The following ANK3 variants were observed in gnomAD, a reference collection of about 807,000 sequenced individuals.
ANK3 encodes the protein ankyrin 3.
ANK3 carries 57 observed loss-of-function variants against 370.9 expected under a neutral mutation model. That is an observed-to-expected ratio of 0.15 (90% CI 0.12 to 0.19). The LOEUF is 0.19. Ranked by LOEUF, ANK3 falls within the 10% of genes least tolerant of loss-of-function variation. ANK3 has a pLI of 1.00. For missense variants in ANK3, 4,439 were observed against 5,302.1 expected (o/e 0.84, Z 5.06); for synonymous variants, 1,929 against 1,946.3 (o/e 0.99, Z 0.23).
chr10:60,394,230 G>A (rs1037846948), upstream of ANK3, among the ~76,000 whole-genome samples: 2 of 150,568 alleles, frequency 1.3e-5, no homozygotes, highest in African/African-American at 4.9e-5. Flanking sequence ...GAAAACAAGC[G>A]CTAAACTTGT....
intron 1 of ANK3, among the ~76,000 whole-genome samples, chr10:60,351,225 T>C (rs931051463): frequency 1.3e-5 from 2 of 152,166 alleles, no homozygotes; most frequent in African/African-American, 4.8e-5. Context: ...CCACAAGCAT[T>C]TAAATAGAGA....
Position 60,213,130 on chromosome 10 carries a change from A to G in ANK3, c.996+282T>C, listed in dbSNP as rs113276962. Among the ~76,000 whole-genome samples the G allele has an allele frequency of 1.3e-3, 198 of 152,240 alleles. 1 individual carries two copies. The highest frequency in any genetic ancestry group is 4.5e-3 in the African/African-American group (186 of 41,550). On this transcript the variant is annotated intron_variant, in intron 9 of 43. Transcript: ENST00000280772. ...TTAGTCTTTCTTAACCTGACAAGCA[A>G]TTATTTCTGAGCTATGAAAATTTCA... is the stretch of plus-strand genomic sequence containing the variant.
intron 2 of ANK3, among the ~76,000 whole-genome samples, chr10:60,403,661 C>T (rs570374633): frequency 1.3e-5 from 2 of 152,278 alleles, no homozygotes; most frequent in East Asian, 3.9e-4. Context: ...GATCTCGGCT[C>T]ATTGCAAGCT....
intron 2 of ANK3, among the ~76,000 whole-genome samples, chr10:60,559,082 TA>T (rs1387735043): frequency 6.6e-6 from 1 of 152,154 alleles, no homozygotes; most frequent in Non-Finnish European, 1.5e-5. Flanking sequence ...CTTTTAACAC[TA>T]ATGAGAACAA....
intron 2 of ANK3, among the ~76,000 whole-genome samples, chr10:60,485,257 A>T (rs1387637525): frequency 6.6e-6 from 1 of 151,992 alleles, no homozygotes; most frequent in Admixed American, 6.6e-5. Context: ...CCATGTCTAC[A>T]CCTGTTCAGG....
At chr10:60,692,665 T>C (rs2079373571) in intron 1 of ANK3, among the ~76,000 whole-genome samples, 1 of 152,180 alleles carries the variant, frequency 6.6e-6, no homozygotes, top group Non-Finnish European at 1.5e-5. Context: ...ATTCAAATTT[T>C]ACTGCAGTCA....
intron 1 of ANK3, among the ~76,000 whole-genome samples, chr10:60,692,840 T>A (rs1250702323): frequency 6.6e-6 from 1 of 152,250 alleles, no homozygotes; most frequent in Non-Finnish European, 1.5e-5. Flanking sequence ...TGATAACAGA[T>A]TGTTTTTGTC....
intron 2 of ANK3, among the ~76,000 whole-genome samples, chr10:60,421,396 G>A (rs1460768018): frequency 6.6e-6 from 1 of 152,010 alleles, no homozygotes; most frequent in Non-Finnish European, 1.5e-5. Context: ...ACGTGGGGGA[G>A]GAAAGGAAAG....
intron 2 of ANK3, among the ~76,000 whole-genome samples, chr10:60,426,872 G>T (rs997771120): frequency 6.6e-6 from 1 of 152,124 alleles, no homozygotes; most frequent in Non-Finnish European, 1.5e-5. Context: ...TGTAGGCATT[G>T]TATAGGCATC....
Position 60,401,719 on chromosome 10 carries a change from G to T in ANK3, c.97-122080C>A, listed in dbSNP as rs72806150. On this transcript the variant is annotated intron_variant, in intron 2 of 43. Transcript: ENST00000373827. ...TAAAAGGTTGTATAATATTCCATGT[G>T]ATGTACATGTCATTTTTTAAACCAG... Among the ~76,000 whole-genome samples the T allele has an allele frequency of 5.2e-3, 790 of 152,268 alleles. 4 individuals are homozygous for T. Among genetic ancestry groups the T allele is most frequent in the South Asian group, 0.011 (54 of 4,818 alleles).
chr10:60,062,374 T>A (rs891413364), intron 40 of ANK3: 4 of 152,244 alleles, frequency 2.6e-5, no homozygotes, highest in African/African-American at 9.6e-5. Flanking sequence ...TTCTTAATAT[T>A]TCAGTGAAGA....
At chr10:60,352,344 T>G (rs1367276123) in intron 1 of ANK3, among the ~76,000 whole-genome samples, 2 of 152,204 alleles carry the variant, frequency 1.3e-5, no homozygotes, top group East Asian at 3.9e-4. Context: ...TCTTTCTCAC[T>G]TGTGATAATA....
chr10:60,626,763 G>C, intron 1 of ANK3, among the ~76,000 whole-genome samples: 1 of 152,136 alleles, frequency 6.6e-6, no homozygotes, highest in East Asian at 1.9e-4. Context: ...GTGGGAATGA[G>C]GTTAAGAGGT....
At chr10:60,088,477 G>A in intron 28 of ANK3, 119 bp from the exon 29 acceptor site, 1 of 853,296 alleles carries the variant, frequency 1.2e-6, no homozygotes, top group Non-Finnish European at 1.8e-6. Context: ...CCAGGCTGAA[G>A]TGCAATGGCG....
intron 1 of ANK3, among the ~76,000 whole-genome samples, chr10:60,641,936 A>C (rs1379798679): frequency 6.7e-6 from 1 of 148,766 alleles, no homozygotes; most frequent in African/African-American, 2.5e-5. Context: ...AATTTACAAG[A>C]AAAAAACAAA....
chr10:60,512,007 A>G (rs2076096767), intron 2 of ANK3, among the ~76,000 whole-genome samples: 1 of 152,032 alleles, frequency 6.6e-6, no homozygotes, highest in South Asian at 2.1e-4. Flanking sequence ...CAGAGCACAG[A>G]GTGTCCTTCT....
intron 1 of ANK3, among the ~76,000 whole-genome samples, chr10:60,354,880 G>T (rs2057481733): frequency 6.6e-6 from 1 of 151,962 alleles, no homozygotes; most frequent in Non-Finnish European, 1.5e-5. Flanking sequence ...TGTATTTTTT[G>T]ATATTGATGG....
chr10:60,405,735 G>A (rs774841688), intron 2 of ANK3, among the ~76,000 whole-genome samples: 8 of 152,042 alleles, frequency 5.3e-5, no homozygotes, highest in African/African-American at 1.2e-4. Flanking sequence ...TCTATGTATC[G>A]AAATATATAA....
intron 2 of ANK3, among the ~76,000 whole-genome samples, chr10:60,491,745 A>G (rs547541335): frequency 6.6e-6 from 1 of 152,318 alleles, no homozygotes; most frequent in South Asian, 2.1e-4. Flanking sequence ...GCTTAAGAGT[A>G]CTGATCTAGG....
Sources: allele counts gnomAD v4.1 joint callset (sites outside exome capture counted in the v4.1 genomes callset), GRCh38; gene constraint gnomAD v4.1.1; transcripts MANE v1.5; gene names NCBI Gene and HGNC (gene_info 2026-07-23, HGNC 2026-07-21).